TRIM50: variants seen among roughly 807,000 people sequenced by gnomAD.
TRIM50 encodes tripartite motif containing 50, also known as E3 ubiquitin-protein ligase TRIM50.
Under a neutral mutation model 44.9 loss-of-function variants are expected in TRIM50, and 34 were observed. That is an observed-to-expected ratio of 0.76 (90% CI 0.58 to 1.01). The LOEUF is 1.01. TRIM50 is among the 50% of genes least tolerant of loss of function. The pLI, the probability that TRIM50 is intolerant of heterozygous loss-of-function variation, is 0.00. For missense variants in TRIM50, 633 were observed against 663.7 expected, an observed-to-expected ratio of 0.95 and a Z score of 0.51; for synonymous variants, 307 against 291.1, an observed-to-expected ratio of 1.05 and a Z score of -0.56.
At chr7:73,322,215 G>C (rs1365857190) in intron 2 of TRIM50, among the ~76,000 whole-genome samples, 4 of 152,186 alleles carry the variant, frequency 2.6e-5, no homozygotes, top group African/African-American at 9.7e-5. Flanking sequence ...CGGGCATGGT[G>C]GTGGGCGCCT....
At chr7:73,320,296 T>G (rs1164580338) in intron 2 of TRIM50, 54 bp from the exon 3 acceptor site, 96 of 1,613,236 alleles carry the variant, frequency 6.0e-5, no homozygotes, top group Non-Finnish European at 7.8e-5. Flanking sequence ...CCTTCTCAGC[T>G]CCTTGGATCA....
intron 2 of TRIM50, among the ~76,000 whole-genome samples, chr7:73,320,826 G>A (rs1459296514): frequency 4.6e-5 from 7 of 151,152 alleles, no homozygotes; most frequent in Admixed American, 6.6e-5. Context: ...TCAGGAATTC[G>A]AGACCAGCCT....
chr7:73,326,272 T>A (rs1554546049), intron 1 of TRIM50, among the ~76,000 whole-genome samples: 2 of 152,066 alleles, frequency 1.3e-5, no homozygotes, highest in African/African-American at 2.4e-5. Context: ...TTTATTGTTT[T>A]ATTTATTTTA....
Position 73,312,884 on chromosome 7 carries a change from G to A in TRIM50, c.*37C>T, listed in dbSNP as rs1554543130. ...GCCCGCGAGTCCCCGGTGCCCCGCC[G>A]GGATGGGCCTGTGGGCCGGCAGGAC... On this transcript the variant is annotated 3_prime_UTR_variant, in exon 7 of 7. Coordinates refer to ENST00000333149, the MANE Select transcript of TRIM50 (RefSeq NM_178125.3). The A allele has an allele frequency of 1.8e-5, 26 of 1,462,852 alleles. 1 individual carries two copies. Among genetic ancestry groups the A allele is most frequent in the African/African-American group, 4.3e-5 (3 of 70,458 alleles). The allele number at this position is 1,462,852 out of a possible 1,614,324, so 90.6% of individuals were successfully genotyped here. A position where few individuals can be genotyped will look rare whatever the true frequency, so the allele number is the denominator to read the frequency against.
Position 73,313,252 on chromosome 7 carries a change from C to T in TRIM50, c.1133G>A (p.Arg378Lys). The T allele has an allele frequency of 6.3e-7, 1 of 1,599,654 alleles. No individual in the cohort carries two copies. ...CAGCCACACGCCGTGCTCGGGGGAC[C>T]TGTTCAGCTTGCCCTTACGGCTGGC... is the stretch of plus-strand genomic sequence containing the variant. ...GTASRKGKLN[R>K]SPEHGVWLIG... Residue 378 changes from arginine (R) to lysine (K), a missense_variant, in exon 7 of 7, where the codon AGG (arginine) becomes AAG (lysine). Arg to Lys is a conservative substitution (Grantham distance 26). Coordinates refer to ENST00000333149, the MANE Select transcript of TRIM50 (RefSeq NM_178125.3). This position sits in a 1 kb window ranked among gnomAD's most constrained non-coding sequence, Gnocchi z 4.9.
rs1554545749 is a variant in TRIM50, at chr7:73,324,788, C to T, written c.-1G>A. On this transcript the variant is annotated 5_prime_UTR_variant, in exon 2 of 7. Coordinates refer to ENST00000333149, the MANE Select transcript of TRIM50 (RefSeq NM_178125.3). Reference sequence around the variant, plus strand: ...CTGGCAGGCTCACCTGCCAAGCCATCCACACTCACTGCCCGGGCTGAAACA... The same window carrying T: ...CTGGCAGGCTCACCTGCCAAGCCATTCACACTCACTGCCCGGGCTGAAACA... The T allele has an allele frequency of 1.1e-5, 17 of 1,613,674 alleles. 1 individual carries two copies. In the East Asian group the frequency reaches 3.3e-4, roughly 32 times the overall value.
At chr7:73,314,178 C>T in intron 6 of TRIM50, 1 of 393,214 alleles carries the variant, frequency 2.5e-6, no homozygotes. Flanking sequence ...AGCAGGAGGC[C>T]AAGAAAGTGG....
At chr7:73,321,936 A>T (rs1180663396) in intron 2 of TRIM50, 1 of 152,212 alleles carries the variant, frequency 6.6e-6, no homozygotes, top group Non-Finnish European at 1.5e-5. Flanking sequence ...TGCACCCATC[A>T]ATCGAGCATC....
chr7:73,324,473 C>T lies in TRIM50; in HGVS notation c.315G>A (p.Glu105=), dbSNP rs1423977582. Reference sequence around the variant, plus strand: ...GCAGACCGCAGAGGCCACAGATGAGCTCCTGGTCCTTCTCGCAGAAAAGGC... The same window carrying T: ...GCAGACCGCAGAGGCCACAGATGAGTTCCTGGTCCTTCTCGCAGAAAAGGC... ...PLSLFCEKDQ[E]LICGLCGLLG... is the part of the protein sequence containing the mutation. The change falls in exon 2 of 7, where the codon GAG becomes GAA. Residue 105 remains glutamate (E), a synonymous_variant. Transcript: ENST00000333149. 1 of 1,613,504 alleles carries T rather than the reference C, an allele frequency of 6.2e-7. No homozygotes were observed. Among genetic ancestry groups the T allele is most frequent in the African/African-American group, 1.3e-5 (1 of 74,906 alleles).
chr7:73,323,315 AC>A (rs5884900), intron 2 of TRIM50, among the ~76,000 whole-genome samples: 2,286 of 151,920 alleles, frequency 0.015, 54 homozygotes, highest in African/African-American at 0.053. Flanking sequence ...TCTCACCCCC[AC>A]CGATGTTCCC....
At chr7:73,315,663 T>C (rs1804340226) in intron 6 of TRIM50, among the ~76,000 whole-genome samples, 1 of 152,040 alleles carries the variant, frequency 6.6e-6, no homozygotes, top group Admixed American at 6.6e-5. Flanking sequence ...CCCCTTCTTT[T>C]ATATAAACCC....
intron 3 of TRIM50, 119 bp from the exon 4 acceptor site, chr7:73,319,171 G>C: frequency 6.5e-7 from 1 of 1,536,032 alleles, no homozygotes; most frequent in Non-Finnish European, 8.8e-7. Flanking sequence ...TGAGTCTCAG[G>C]GGAGGCTGCA....
In TRIM50 at chr7:73,312,788, T is replaced by A; in HGVS notation, c.*133A>T. ...GGGTCCTGTTCCCTATCATTACATG[T>A]TCCAGGGACACACAGGCCTGAAGAC... On this transcript the variant is annotated 3_prime_UTR_variant, in exon 7 of 7. Coordinates refer to ENST00000333149, the MANE Select transcript of TRIM50 (RefSeq NM_178125.3). 1.4e-6 allele frequency: 1 copy of A among 692,232 alleles called. No individual in the cohort carries two copies. The highest frequency in any genetic ancestry group is 2.4e-6 in the Non-Finnish European group (1 of 424,162). 42.9% of individuals were successfully genotyped at this position (692,232 alleles called of 1,614,324 possible).
Position 73,312,770 on chromosome 7 carries a change from G to C in TRIM50, c.*151C>G. 4.6e-6 allele frequency: 3 copies of C among 653,986 alleles called. No individual in the cohort carries two copies. The highest frequency in any genetic ancestry group is 7.7e-6 in the Non-Finnish European group (3 of 390,728). 40.5% of individuals were successfully genotyped at this position (653,986 alleles called of 1,614,324 possible). Reference sequence around the variant, plus strand: ...CTGAGGGGAAAGGGACTGGGGTCCTGTTCCCTATCATTACATGTTCCAGGG... The same window carrying C: ...CTGAGGGGAAAGGGACTGGGGTCCTCTTCCCTATCATTACATGTTCCAGGG... On this transcript the variant is annotated 3_prime_UTR_variant, in exon 7 of 7. Transcript: ENST00000333149.
chr7:73,325,765 C>A (rs561827159), intron 1 of TRIM50, among the ~76,000 whole-genome samples: 12 of 152,198 alleles, frequency 7.9e-5, no homozygotes, highest in African/African-American at 2.6e-4. Context: ...GGAGGAGGGG[C>A]AGAAACAGAG....
At chr7:73,317,961 G>C (rs1165043865) in intron 5 of TRIM50, among the ~76,000 whole-genome samples, 3 of 152,110 alleles carry the variant, frequency 2.0e-5, no homozygotes, top group Non-Finnish European at 4.4e-5. Context: ...GTGATATCCT[G>C]CCTTACACCC....
Position 73,312,812 on chromosome 7 carries a change from A to C in TRIM50, c.*109T>G. On this transcript the variant is annotated 3_prime_UTR_variant, in exon 7 of 7. Transcript: ENST00000333149. ...GTTCCAGGGACACACAGGCCTGAAGACCTTCCTAAACAGTGACGATATCAC... is the reference window on the plus strand; with the variant it reads ...GTTCCAGGGACACACAGGCCTGAAGCCCTTCCTAAACAGTGACGATATCAC... 5 of 826,992 alleles carry C rather than the reference A, an allele frequency of 6.0e-6. No homozygotes were observed. Among genetic ancestry groups the C allele is most frequent in the Middle Eastern group, 3.6e-4 (1 of 2,742 alleles). The allele number at this position is 826,992 out of a possible 1,614,324, so 51.2% of individuals were successfully genotyped here.
intron 1 of TRIM50, among the ~76,000 whole-genome samples, chr7:73,327,422 G>A (rs1303211401): frequency 5.3e-5 from 8 of 152,204 alleles, no homozygotes; most frequent in African/African-American, 1.9e-4. Flanking sequence ...AGGGAGTGGC[G>A]GCTGCAGTGA....
In TRIM50 at chr7:73,324,707, C is replaced by T. The variant is rs142262225; in HGVS notation, c.81G>A (p.Leu27=). 1 of 1,614,210 alleles carries T rather than the reference C, an allele frequency of 6.2e-7. No individual in the cohort carries two copies. The highest frequency in any genetic ancestry group is 8.5e-7 in the Non-Finnish European group (1 of 1,180,036). ...AGTAAGAGTGGCCACACTGCAGCAT[C>T]AGGGGCTCCTTGAAGACCTCCAGGC... ...PICLEVFKEP[L]MLQCGHSYCK... The change falls in exon 2 of 7, where the codon CTG becomes CTA. Residue 27 remains leucine, a synonymous_variant. Transcript: ENST00000333149.
Sources: gnomAD v4.1 joint callset for allele counts (sites outside exome capture counted in the v4.1 genomes callset) on GRCh38, gnomAD v4.1.1 for gene constraint, Gnocchi (gnomAD v3.1) non-coding constraint, MANE v1.5 for transcripts, NCBI Gene and HGNC (gene_info 2026-07-23, HGNC 2026-07-21) for gene names.